TMPRSS15: variants seen among roughly 807,000 people sequenced by gnomAD.
TMPRSS15 encodes enteropeptidase.
A neutral mutation model predicts 125.3 loss-of-function variants in TMPRSS15; 128 were observed. The ratio of observed to expected loss-of-function variants is 1.02; its 90% CI spans 0.89 to 1.18. The LOEUF (loss-of-function observed/expected upper bound fraction) is 1.18, where lower values mean the gene tolerates loss of function less well. TMPRSS15 is among the 50% of genes most tolerant of loss of function. The pLI is 0.00. For synonymous variants in TMPRSS15, 446 were observed against 423.2 expected (o/e 1.05, Z -0.66); for missense variants, 1,283 against 1,212.7 (o/e 1.06, Z -0.86).
At chr21:18,377,570 G>A (rs1167131933) in intron 5 of TMPRSS15, among the ~76,000 whole-genome samples, 1 of 152,012 alleles carries the variant, frequency 6.6e-6, no homozygotes, top group East Asian at 1.9e-4. Flanking sequence ...TAAATATAAA[G>A]TTCAAATAGG....
At chr21:18,379,394 T>C (rs144361468) in intron 4 of TMPRSS15, 76 bp from the exon 5 acceptor site, 3 of 620,196 alleles carry the variant, frequency 4.8e-6, no homozygotes, top group East Asian at 3.4e-5. Context: ...ATATTCATTC[T>C]GTATAATAAT....
intron 1 of TMPRSS15, among the ~76,000 whole-genome samples, chr21:18,460,011 A>G (rs1289256114): frequency 1.3e-5 from 2 of 152,074 alleles, no homozygotes; most frequent in African/African-American, 4.8e-5. Flanking sequence ...TTATATTTTG[A>G]TATTTTATTC....
At chr21:18,295,791 C>A (rs2074899297) in intron 19 of TMPRSS15, among the ~76,000 whole-genome samples, 1 of 152,158 alleles carries the variant, frequency 6.6e-6, no homozygotes, top group African/African-American at 2.4e-5. Flanking sequence ...TCTCAATTAA[C>A]TCCCCTTTTT....
intron 16 of TMPRSS15, among the ~76,000 whole-genome samples, chr21:18,322,883 A>C (rs1259296919): frequency 6.6e-6 from 1 of 152,240 alleles, no homozygotes; most frequent in Non-Finnish European, 1.5e-5. Flanking sequence ...AATTTGGAAT[A>C]TTCCTAACAC....
chr21:18,372,209 T>C lies in TMPRSS15; in HGVS notation c.648A>G (p.Glu216=). 6.2e-7 allele frequency: 1 copy of C among 1,610,408 alleles called. No individual in the cohort carries two copies. Among genetic ancestry groups the C allele is most frequent in the Non-Finnish European group, 8.5e-7 (1 of 1,177,792 alleles). ...GEVNCPDGSD[E]DNKMCATVCD... ...AGAACTTACCACACATTTTATTGTCTTCGTCAGAACCATCTGGACAGTTTA... is the reference window on the plus strand; with the variant it reads ...AGAACTTACCACACATTTTATTGTCCTCGTCAGAACCATCTGGACAGTTTA... Residue 216 remains glutamate, a synonymous_variant, in exon 6 of 25, where the codon GAA becomes GAG. Transcript: ENST00000284885.
intron 1 of TMPRSS15, among the ~76,000 whole-genome samples, chr21:18,466,568 G>T (rs1465134987): frequency 2.0e-5 from 3 of 151,656 alleles, no homozygotes; most frequent in South Asian, 4.2e-4. Context: ...AAATATACAA[G>T]AAAAAAACAA....
chr21:18,305,522 C>A (rs2075028942), intron 18 of TMPRSS15, among the ~76,000 whole-genome samples: 1 of 152,120 alleles, frequency 6.6e-6, no homozygotes, highest in African/African-American at 2.4e-5. Context: ...CAGGTGATTC[C>A]ATGCTGGGAT....
intron 1 of TMPRSS15, among the ~76,000 whole-genome samples, chr21:18,421,469 C>T (rs1329768429): frequency 6.6e-6 from 1 of 152,138 alleles, no homozygotes; most frequent in African/African-American, 2.4e-5. Flanking sequence ...TAAGGAAAAT[C>T]TTTAGAAAAG....
At chr21:18,377,943 C>A (rs974787271) in intron 5 of TMPRSS15, among the ~76,000 whole-genome samples, 4 of 152,026 alleles carry the variant, frequency 2.6e-5, no homozygotes, top group African/African-American at 9.7e-5. Context: ...AGGAGAAAAC[C>A]TTCTTTTAAG....
intron 3 of TMPRSS15, among the ~76,000 whole-genome samples, chr21:18,389,823 G>C (rs1000612592): frequency 1.3e-5 from 2 of 152,130 alleles, no homozygotes; most frequent in Non-Finnish European, 2.9e-5. Flanking sequence ...GAACTTTTGT[G>C]ATGATCCGAT....
At chr21:18,420,881 CAA>C (rs1210990628) in intron 1 of TMPRSS15, among the ~76,000 whole-genome samples, 2 of 152,108 alleles carry the variant, frequency 1.3e-5, no homozygotes, top group Admixed American at 1.3e-4. Flanking sequence ...GGGAGGATTT[CAA>C]AAGTGTATGG....
chr21:18,464,564 A>G (rs1978619246), intron 1 of TMPRSS15, among the ~76,000 whole-genome samples: 1 of 152,134 alleles, frequency 6.6e-6, no homozygotes, highest in Non-Finnish European at 1.5e-5. Flanking sequence ...ACAATAAAAT[A>G]TGATAAAGGG....
At position 18,296,136 on chromosome 21, in the gene TMPRSS15, G is replaced by A. The variant is rs538518203; in HGVS notation, c.2262-1484C>T. ...CCACTGCACTCCAGCCTGGGCAACA[G>A]AGCGAGACTCCGTCTCAAAAAAAGA... is the stretch of plus-strand genomic sequence containing the variant. On this transcript the variant is annotated intron_variant, in intron 19 of 24. Transcript: ENST00000284885. 4.9e-4 allele frequency among the ~76,000 whole-genome samples: 74 copies of A among 152,138 alleles called. 1 individual carries two copies. Among genetic ancestry groups the A allele is most frequent in the Non-Finnish European group, 7.6e-4 (52 of 68,036 alleles).
At chr21:18,408,551 C>A (rs2029880912), upstream of TMPRSS15, among the ~76,000 whole-genome samples, 1 of 152,100 alleles carries the variant, frequency 6.6e-6, no homozygotes, top group African/African-American at 2.4e-5. Context: ...TTAAGAAATA[C>A]ACATTTGCTT....
rs1167728763 is a variant in TMPRSS15, at chr21:18,270,215, AAAATT to A, written c.2905-96_2905-92del. 32 of 1,108,094 alleles carry A rather than the reference AAAATT, an allele frequency of 2.9e-5. No homozygotes were observed. The African/African-American group carries it at 4.6e-4, about 16-fold the overall frequency. 68.6% of individuals were successfully genotyped at this position (1,108,094 alleles called of 1,614,324 possible). Reference sequence around the variant, plus strand: ...TTTGTATCAAATAAATTAAAAAATAAAAATTAATTAAAAAATATGATTTAATTGCA... The same window carrying A: ...TTTGTATCAAATAAATTAAAAAATAAAATTAAAAAATATGATTTAATTGCA... On this transcript the variant is annotated intron_variant, in intron 24 of 24. Coordinates refer to ENST00000284885, the MANE Select transcript of TMPRSS15 (RefSeq NM_002772.3).
chr21:18,451,441 T>G (rs1039472675), intron 1 of TMPRSS15, among the ~76,000 whole-genome samples: 1 of 152,082 alleles, frequency 6.6e-6, no homozygotes, highest in Non-Finnish European at 1.5e-5. Context: ...TGTGCAAAAC[T>G]ACAAATACAT....
At chr21:18,287,857 A>C (rs1012636345) in intron 21 of TMPRSS15, among the ~76,000 whole-genome samples, 1 of 152,166 alleles carries the variant, frequency 6.6e-6, no homozygotes, top group African/African-American at 2.4e-5. Context: ...TTGGAAAAGG[A>C]TCCAAGACCT....
intron 10 of TMPRSS15, among the ~76,000 whole-genome samples, chr21:18,349,812 C>T (rs962896711): frequency 1.3e-5 from 2 of 152,152 alleles, no homozygotes; most frequent in Non-Finnish European, 1.5e-5. Context: ...ACATTCAACC[C>T]GTTTCACTTT....
chr21:18,323,039 T>C lies in TMPRSS15; in HGVS notation c.1921+3393A>G, dbSNP rs144954415. On this transcript the variant is annotated intron_variant, in intron 16 of 24. Transcript: ENST00000284885. ...TCCATAAAACACAATTTAAACAAAC[T>C]GTAACTGTAACTTTTGATGGAAGAG... Among the ~76,000 whole-genome samples, 501 of 152,352 alleles carry C rather than the reference T, an allele frequency of 3.3e-3. 4 individuals carry two copies. Among genetic ancestry groups the C allele is most frequent in the African/African-American group, 0.012 (481 of 41,588 alleles).
Sources: allele counts gnomAD v4.1 joint callset (sites outside exome capture counted in the v4.1 genomes callset), GRCh38; gene constraint gnomAD v4.1.1; transcripts MANE v1.5; gene names NCBI Gene and HGNC (gene_info 2026-07-23, HGNC 2026-07-21).